Variants in SPTLC2 observed in about 807,000 individuals in gnomAD.
The protein encoded by SPTLC2 is serine palmitoyltransferase 2.
SPTLC2 carries 21 observed loss-of-function variants against 62.0 expected under a neutral mutation model. The observed-to-expected ratio is 0.34, with a 90% CI of 0.24 to 0.49. The LOEUF is 0.49. Ranked by LOEUF, SPTLC2 falls within the 20% of genes least tolerant of loss-of-function variation. The pLI is 0.99. For missense variants in SPTLC2, 511 were observed against 713.0 expected (o/e 0.72, Z 3.23); for synonymous variants, 261 against 261.8 (o/e 1.00, Z 0.03).
intron 8 of SPTLC2, chr14:77,555,028 C>A (rs2079575141): frequency 4.4e-6 from 2 of 454,920 alleles, no homozygotes; most frequent in Admixed American, 3.3e-5. Context: ...GCAGGGAGCA[C>A]CACTGTGTGT....
chr14:77,554,879 TG>T, intron 8 of SPTLC2: 2 of 240,344 alleles, frequency 8.3e-6, no homozygotes, highest in South Asian at 1.2e-4. Context: ...ACAACTTTTT[TG>T]CTTCCTGTCT....
rs1030045522 is a variant in SPTLC2 at position 77,507,395 on chromosome 14, A to G, written c.*4889T>C. On this transcript the variant is annotated 3_prime_UTR_variant, in exon 12 of 12. Coordinates refer to ENST00000216484, the MANE Select transcript of SPTLC2 (RefSeq NM_004863.4). ...GCCAAGGCTGGAGTGCAGTGGTGTG[A>G]TCTTGGCTCATTGCATCCTCTGCCT... 6.7e-6 allele frequency: 1 copy of G among 148,470 alleles called. No homozygotes were observed. Among genetic ancestry groups the G allele is most frequent in the African/African-American group, 2.5e-5 (1 of 39,590 alleles). 9.2% of individuals were successfully genotyped at this position (148,470 alleles called of 1,614,324 possible). A position where few individuals can be genotyped will look rare whatever the true frequency, so the allele number is the denominator to read the frequency against.
chr14:77,537,737 T>A (rs2079478565), intron 9 of SPTLC2, among the ~76,000 whole-genome samples: 1 of 152,234 alleles, frequency 6.6e-6, no homozygotes, highest in Non-Finnish European at 1.5e-5. Context: ...TTTGTTTCCT[T>A]AACCTCTCAG....
intron 2 of SPTLC2, among the ~76,000 whole-genome samples, chr14:77,591,734 T>TATG (rs1177821127): frequency 2.1e-4 from 10 of 48,352 alleles, no homozygotes; most frequent in Non-Finnish European, 4.7e-4. Flanking sequence ...ATGTATGTAT[T>TATG]TATTTTTAGA....
chr14:77,574,961 G>A (rs1443939497), intron 4 of SPTLC2, among the ~76,000 whole-genome samples: 1 of 152,122 alleles, frequency 6.6e-6, no homozygotes, highest in Non-Finnish European at 1.5e-5. Flanking sequence ...TAATCCCAGT[G>A]TTCTGGAAGG....
chr14:77,529,642 T>TTTTTTTTTTTTTTTTTTTTTTTTTTG (rs869265987), intron 9 of SPTLC2, among the ~76,000 whole-genome samples: 1 of 94,948 alleles, frequency 1.1e-5, no homozygotes, highest in African/African-American at 4.1e-5. Context: ...TTTTTTTTTT[T>TTTTTTTTTTTTTTTTTTTTTTTTTTG]GAGACAGAGT....
chr14:77,522,304 G>C (rs1488065159), intron 9 of SPTLC2, among the ~76,000 whole-genome samples: 1 of 151,856 alleles, frequency 6.6e-6, no homozygotes, highest in Admixed American at 6.6e-5. Flanking sequence ...CTGGGGTTAC[G>C]GGTGCACATC....
chr14:77,578,520 C>T (rs2079729686), intron 3 of SPTLC2, among the ~76,000 whole-genome samples: 2 of 151,952 alleles, frequency 1.3e-5, no homozygotes, highest in African/African-American at 4.8e-5. Flanking sequence ...CATTCGAGAC[C>T]AGCCTGGCCA....
At chr14:77,613,559 CTTT>C (rs2140069088) in intron 1 of SPTLC2, among the ~76,000 whole-genome samples, 1 of 152,334 alleles carries the variant, frequency 6.6e-6, no homozygotes, top group South Asian at 2.1e-4. Flanking sequence ...AAGAGTTGTT[CTTT>C]TACTATACAC....
At chr14:77,599,378 T>G (rs1291325563) in intron 1 of SPTLC2, among the ~76,000 whole-genome samples, 1 of 152,184 alleles carries the variant, frequency 6.6e-6, no homozygotes, top group Non-Finnish European at 1.5e-5. Flanking sequence ...TATAAACAAA[T>G]AAAAACAAAT....
chr14:77,544,865 A>C (rs1177185168), intron 9 of SPTLC2, among the ~76,000 whole-genome samples: 2 of 152,146 alleles, frequency 1.3e-5, no homozygotes, highest in Non-Finnish European at 2.9e-5. Flanking sequence ...GCCTACCTTC[A>C]ACAAGAATGC....
intron 9 of SPTLC2, among the ~76,000 whole-genome samples, chr14:77,534,178 T>TCTCACA (rs1310078233): frequency 8.7e-6 from 1 of 114,906 alleles, no homozygotes; most frequent in African/African-American, 3.6e-5. Context: ...TCTCTCTCTC[T>TCTCACA]CACACACACA....
chr14:77,506,212 G>C lies in SPTLC2; in HGVS notation c.*6072C>G, dbSNP rs1222604724. 1 of 152,184 alleles carries C rather than the reference G, an allele frequency of 6.6e-6. No individual in the cohort carries two copies. Among genetic ancestry groups the C allele is most frequent in the Non-Finnish European group, 1.5e-5 (1 of 68,038 alleles). 9.4% of individuals were successfully genotyped at this position (152,184 alleles called of 1,614,324 possible). On this transcript the variant is annotated 3_prime_UTR_variant, in exon 12 of 12. Coordinates refer to ENST00000216484, the MANE Select transcript of SPTLC2 (RefSeq NM_004863.4). ...CAAAAAAGGGAAACAGGGTAAGAGA[G>C]AGTGACATTTTAACACATTACTAAA...
At chr14:77,565,242 CAAAAAA>C (rs59356054) in intron 5 of SPTLC2, among the ~76,000 whole-genome samples, 1 of 33,692 alleles carries the variant, frequency 3.0e-5, no homozygotes, top group East Asian at 1.1e-3. Flanking sequence ...AACTCCATCT[CAAAAAA>C]AAAAAAAAAA....
chr14:77,528,104 C>G (rs79842708), intron 9 of SPTLC2, among the ~76,000 whole-genome samples: 10,216 of 152,292 alleles, frequency 0.067, 488 homozygotes, highest in Non-Finnish European at 0.098. Context: ...CCTGAATATG[C>G]TGATATATAA....
In SPTLC2 at chr14:77,578,987, C is replaced by T; in HGVS notation, c.450G>A (p.Glu150=). The change falls in exon 3 of 12, where the codon GAG becomes GAA. Residue 150 remains glutamate (E), a synonymous_variant. Transcript: ENST00000216484. ...SVPGARVDIM[E]RQSHDYNWSF... ...ACCAGTTATAATCATGAGACTGTCT[C>T]TCCATGATGTCCACCCTGGCTCCAG... 1 of 1,614,108 alleles carries T rather than the reference C, an allele frequency of 6.2e-7. No homozygotes were observed. Among genetic ancestry groups the T allele is most frequent in the Non-Finnish European group, 8.5e-7 (1 of 1,180,018 alleles).
chr14:77,614,061 C>T (rs1009935777), intron 1 of SPTLC2, among the ~76,000 whole-genome samples: 5 of 152,176 alleles, frequency 3.3e-5, no homozygotes, highest in Non-Finnish European at 7.3e-5. Flanking sequence ...TTCCAACAGA[C>T]CGTTCTTCCA....
At chr14:77,519,802 T>G (rs2079377124) in intron 10 of SPTLC2, among the ~76,000 whole-genome samples, 1 of 152,208 alleles carries the variant, frequency 6.6e-6, no homozygotes, top group South Asian at 2.1e-4. Flanking sequence ...CTCCTTTGTG[T>G]CAGCATGAAC....
intron 2 of SPTLC2, among the ~76,000 whole-genome samples, chr14:77,586,358 G>A (rs2079781576): frequency 6.6e-6 from 1 of 152,046 alleles, no homozygotes; most frequent in Non-Finnish European, 1.5e-5. Context: ...TTACAGGTGT[G>A]AGCCATCACA....
Sources: gnomAD v4.1 joint callset for allele counts (sites outside exome capture counted in the v4.1 genomes callset) on GRCh38, gnomAD v4.1.1 for gene constraint, MANE v1.5 for transcripts, NCBI Gene and HGNC (gene_info 2026-07-23, HGNC 2026-07-21) for gene names.